The following FAM90A24 variants were observed in gnomAD, a reference collection of about 807,000 sequenced individuals.
FAM90A24 encodes protein FAM90A24.
At chr8:8,022,664 T>A in the FAM90A24 span, among the ~76,000 whole-genome samples, 1 of 74,852 alleles carries the variant, frequency 1.3e-5, no homozygotes, top group African/African-American at 3.9e-5. Flanking sequence ...GGACTCTAAG[T>A]AGAAAGGGAG....
At chr8:8,022,613 G>T in the FAM90A24 span, among the ~76,000 whole-genome samples, 1 of 80,712 alleles carries the variant, frequency 1.2e-5, no homozygotes, top group African/African-American at 3.5e-5. Context: ...GGGCACGATG[G>T]TGAAGCCGAT....
chr8:8,022,626 C>G, the FAM90A24 span, among the ~76,000 whole-genome samples: 12 of 79,962 alleles, frequency 1.5e-4, 3 homozygotes, highest in African/African-American at 4.0e-4. Context: ...AAGCCGATGT[C>G]AACAACGCAG....
At chr8:8,022,656 A>G in the FAM90A24 span, among the ~76,000 whole-genome samples, 8 of 76,404 alleles carry the variant, frequency 1.0e-4, no homozygotes, top group African/African-American at 2.3e-4. Flanking sequence ...GCTATACAGG[A>G]CTCTAAGTAG....
chr8:8,022,632 C>A, the FAM90A24 span, among the ~76,000 whole-genome samples: 1 of 79,512 alleles, frequency 1.3e-5, no homozygotes, highest in South Asian at 8.6e-4. Flanking sequence ...ATGTCAACAA[C>A]GCAGCCAAAC....
the FAM90A24 span, among the ~76,000 whole-genome samples, chr8:8,021,980 G>A: frequency 6.6e-6 from 1 of 151,004 alleles, no homozygotes; most frequent in African/African-American, 2.4e-5. Context: ...AAGCGCCCCC[G>A]CCTCTCCCCG....
the FAM90A24 span, among the ~76,000 whole-genome samples, chr8:8,022,705 T>C: frequency 1.5e-5 from 1 of 66,446 alleles, no homozygotes. Context: ...AAGGGACCTA[T>C]CGGGCCGGGG....
chr8:8,022,618 G>A, the FAM90A24 span, among the ~76,000 whole-genome samples: 6 of 80,576 alleles, frequency 7.4e-5, no homozygotes, highest in African/African-American at 2.1e-4. Context: ...CGATGGTGAA[G>A]CCGATGTCAA....
the FAM90A24 span, among the ~76,000 whole-genome samples, chr8:8,022,558 C>G: frequency 1.2e-5 from 1 of 85,548 alleles, no homozygotes; most frequent in African/African-American, 3.3e-5. Context: ...CTCGCAAAGC[C>G]CACGGGACGG....
chr8:8,022,379 G>C, the FAM90A24 span: 2 of 424,986 alleles, frequency 4.7e-6, no homozygotes, highest in African/African-American at 4.3e-5. Context: ...TTTTGCACTT[G>C]AGCTGTGGGT....
chr8:8,022,655 G>A, the FAM90A24 span, among the ~76,000 whole-genome samples: 1 of 77,048 alleles, frequency 1.3e-5, no homozygotes, highest in Non-Finnish European at 2.9e-5. Context: ...GGCTATACAG[G>A]ACTCTAAGTA....
the FAM90A24 span, chr8:8,020,468 G>A: frequency 1.7e-6 from 1 of 590,384 alleles, no homozygotes; most frequent in African/African-American, 2.2e-5. Flanking sequence ...TCGGTTTCTT[G>A]GGGAAGTTCA....
the FAM90A24 span, among the ~76,000 whole-genome samples, chr8:8,022,675 G>T: frequency 2.7e-5 from 2 of 73,284 alleles, no homozygotes; most frequent in Non-Finnish European, 5.9e-5. Flanking sequence ...AGAAAGGGAG[G>T]TTGCCCCCAA....
At chr8:8,022,609 G>C in the FAM90A24 span, among the ~76,000 whole-genome samples, 20 of 80,946 alleles carry the variant, frequency 2.5e-4, no homozygotes, top group Admixed American at 1.5e-3. Context: ...CAAGGGGCAC[G>C]ATGGTGAAGC....
the FAM90A24 span, among the ~76,000 whole-genome samples, chr8:8,022,580 A>G: frequency 2.4e-5 from 2 of 83,894 alleles, no homozygotes; most frequent in Non-Finnish European, 5.4e-5. Context: ...GGAACTCTGA[A>G]AGGAAGGACT....
chr8:8,022,591 C>G, the FAM90A24 span, among the ~76,000 whole-genome samples: 1 of 82,870 alleles, frequency 1.2e-5, no homozygotes, highest in Non-Finnish European at 2.7e-5. Context: ...AGGAAGGACT[C>G]AAAGTTCCAA....
At chr8:8,022,569 A>T in the FAM90A24 span, among the ~76,000 whole-genome samples, 1 of 84,984 alleles carries the variant, frequency 1.2e-5, no homozygotes, top group African/African-American at 3.3e-5. Context: ...CACGGGACGG[A>T]GGAACTCTGA....
chr8:8,020,146 AG>A, the FAM90A24 span: 1 of 1,293,938 alleles, frequency 7.7e-7, no homozygotes, highest in African/African-American at 1.8e-5. Flanking sequence ...GAGTGAAATG[AG>A]GGGGCCGCCA....
the FAM90A24 span, among the ~76,000 whole-genome samples, chr8:8,022,607 A>C: frequency 1.2e-5 from 1 of 81,052 alleles, no homozygotes; most frequent in African/African-American, 3.5e-5. Context: ...TCCAAGGGGC[A>C]CGATGGTGAA....
chr8:8,022,632 C>T, the FAM90A24 span, among the ~76,000 whole-genome samples: 3 of 79,450 alleles, frequency 3.8e-5, no homozygotes, highest in African/African-American at 1.1e-4. Flanking sequence ...ATGTCAACAA[C>T]GCAGCCAAAC....
Sources: allele counts gnomAD v4.1 joint callset (sites outside exome capture counted in the v4.1 genomes callset), GRCh38; gene constraint gnomAD v4.1.1; transcripts MANE v1.5; gene names NCBI Gene and HGNC (gene_info 2026-07-23, HGNC 2026-07-21).